CPED1: variants seen among roughly 807,000 people sequenced by gnomAD.
CPED1 encodes cadherin like and PC-esterase domain containing 1.
CPED1 carries 114 observed loss-of-function variants against 128.2 expected under a neutral mutation model. The observed-to-expected ratio is 0.89, with a 90% CI of 0.76 to 1.04. The LOEUF is 1.04. Ranked by LOEUF, CPED1 falls within the 50% of genes least tolerant of loss-of-function variation. CPED1 has a pLI of 0.00. For missense variants in CPED1, 1,211 were observed against 1,207.1 expected (o/e 1.00, Z -0.05); for synonymous variants, 462 against 426.7 (o/e 1.08, Z -1.02).
chr7:121,224,384 T>A (rs1208568090), intron 16 of CPED1, among the ~76,000 whole-genome samples: 2 of 152,330 alleles, frequency 1.3e-5, no homozygotes, highest in East Asian at 3.9e-4. Flanking sequence ...TCCAATTATG[T>A]GGTCAATTTT....
At chr7:121,148,018 T>C (rs1796065517) in intron 16 of CPED1, among the ~76,000 whole-genome samples, 1 of 152,154 alleles carries the variant, frequency 6.6e-6, no homozygotes, top group Non-Finnish European at 1.5e-5. Flanking sequence ...AAGTGATAGT[T>C]ATCTAATAGC....
chr7:121,285,864 C>A (rs1229722826), intron 22 of CPED1, among the ~76,000 whole-genome samples: 2 of 152,178 alleles, frequency 1.3e-5, no homozygotes, highest in South Asian at 2.1e-4. Context: ...CCAACCTCTG[C>A]CTGTTAGCCA....
At chr7:121,165,749 G>A (rs1193397881) in intron 16 of CPED1, among the ~76,000 whole-genome samples, 1 of 152,144 alleles carries the variant, frequency 6.6e-6, no homozygotes, top group Non-Finnish European at 1.5e-5. Context: ...GCATGTGTTG[G>A]GGGAGAGGTA....
chr7:121,265,521 G>T (rs1562856054), intron 18 of CPED1, among the ~76,000 whole-genome samples: 2 of 152,090 alleles, frequency 1.3e-5, no homozygotes, highest in East Asian at 1.9e-4. Flanking sequence ...AAATGAGATA[G>T]CCAGAACTAG....
intron 14 of CPED1, 92 bp downstream of exon 14, chr7:121,136,182 G>C: frequency 8.2e-7 from 1 of 1,216,694 alleles, no homozygotes; most frequent in Non-Finnish European, 1.1e-6. Context: ...TTATATGTGG[G>C]TATCTTACGC....
chr7:121,000,752 A>T (rs1300033333), intron 2 of CPED1, among the ~76,000 whole-genome samples: 1 of 152,192 alleles, frequency 6.6e-6, no homozygotes, highest in Non-Finnish European at 1.5e-5. Flanking sequence ...TGTTAAGTAT[A>T]TTGAATAAGA....
intron 6 of CPED1, among the ~76,000 whole-genome samples, 197 bp downstream of exon 6, chr7:121,098,028 GA>G (rs932157865): frequency 1.3e-5 from 2 of 152,136 alleles, no homozygotes; most frequent in Admixed American, 1.3e-4. Context: ...TGTCCTGCCA[GA>G]AAATAAACAT....
At chr7:121,117,098 T>TATATATATATATATATAA (rs1226906588) in intron 7 of CPED1, among the ~76,000 whole-genome samples, 23 of 134,650 alleles carry the variant, frequency 1.7e-4, no homozygotes, top group African/African-American at 6.1e-4. Context: ...TATATATATA[T>TATATATATATATATATAA]AAATATATAT....
At chr7:121,106,374 A>G (rs1003247129) in intron 7 of CPED1, among the ~76,000 whole-genome samples, 1 of 152,068 alleles carries the variant, frequency 6.6e-6, no homozygotes, top group Non-Finnish European at 1.5e-5. Context: ...ACATATATAT[A>G]TATAATGTAT....
chr7:121,013,678 A>C (rs1250824749), intron 2 of CPED1, among the ~76,000 whole-genome samples: 2 of 152,224 alleles, frequency 1.3e-5, no homozygotes, highest in Non-Finnish European at 2.9e-5. Flanking sequence ...CAGCCAGGTG[A>C]TTTGAATCCA....
intron 7 of CPED1, among the ~76,000 whole-genome samples, chr7:121,122,139 A>ATTTTTT (rs34817474): frequency 7.9e-6 from 1 of 127,312 alleles, no homozygotes; most frequent in Non-Finnish European, 1.6e-5. Context: ...ACTCATCTGG[A>ATTTTTT]TTTTTTTTTT....
intron 22 of CPED1, among the ~76,000 whole-genome samples, chr7:121,272,847 C>T (rs960873263): frequency 2.0e-5 from 3 of 152,000 alleles, no homozygotes; most frequent in African/African-American, 7.2e-5. Context: ...TAAAACAACA[C>T]CCCAATGGGA....
chr7:121,257,783 T>C (rs1256744955), intron 18 of CPED1, among the ~76,000 whole-genome samples: 1 of 152,120 alleles, frequency 6.6e-6, no homozygotes, highest in East Asian at 1.9e-4. Flanking sequence ...GTTCTCATCC[T>C]ACCCAGAATG....
chr7:121,217,217 A>G (rs1017177227), intron 16 of CPED1, among the ~76,000 whole-genome samples: 1 of 151,940 alleles, frequency 6.6e-6, no homozygotes, highest in East Asian at 1.9e-4. Flanking sequence ...ATGAGCCACT[A>G]TGCCTGGCCA....
At chr7:121,137,790 T>C (rs1795816779) in intron 14 of CPED1, among the ~76,000 whole-genome samples, 1 of 152,020 alleles carries the variant, frequency 6.6e-6, no homozygotes, top group Non-Finnish European at 1.5e-5. Context: ...TAGAGTATGG[T>C]GGGAAAAGGA....
chr7:121,124,500 A>AG, intron 8 of CPED1, 27 bp downstream of exon 8: 11 of 1,406,200 alleles, frequency 7.8e-6, no homozygotes, highest in Non-Finnish European at 1.0e-5. Flanking sequence ...AATTTAAAAA[A>AG]AAAAGAAAAG....
chr7:121,127,217 C>G lies in CPED1; in HGVS notation c.1262C>G (p.Ser421Cys), dbSNP rs778551341. The change falls in exon 10 of 23, where the codon TCT (serine) becomes TGT (cysteine). Residue 421 changes from serine (S) to cysteine (C), a missense_variant. Physicochemically the swap from Ser to Cys is moderately radical, Grantham distance 112. Coordinates refer to ENST00000310396, the MANE Select transcript of CPED1 (RefSeq NM_024913.5). ...AATGAATCATCACTTTCCATATTTT[C>G]TGAGATATTTCAGAGACTTTATAGA... ...FPNESSLSIF[S>C]EIFQRLYRSD... 2 of 1,591,368 alleles carry G rather than the reference C, an allele frequency of 1.3e-6. No individual in the cohort carries two copies. The highest frequency in any genetic ancestry group is 2.2e-5 in the South Asian group (2 of 90,332).
intron 3 of CPED1, among the ~76,000 whole-genome samples, chr7:121,018,287 A>G (rs899875031): frequency 6.6e-6 from 1 of 152,166 alleles, no homozygotes; most frequent in African/African-American, 2.4e-5. Flanking sequence ...CTACAAAACA[A>G]TATTTCCTAG....
At chr7:121,252,012 C>T (rs1798683971) in intron 18 of CPED1, among the ~76,000 whole-genome samples, 1 of 151,538 alleles carries the variant, frequency 6.6e-6, no homozygotes, top group South Asian at 2.1e-4. Context: ...CCAAGTCAAT[C>T]CTAAGCCAAA....
Sources: gnomAD v4.1 joint callset for allele counts (sites outside exome capture counted in the v4.1 genomes callset) on GRCh38, gnomAD v4.1.1 for gene constraint, MANE v1.5 for transcripts, NCBI Gene and HGNC (gene_info 2026-07-23, HGNC 2026-07-21) for gene names.